SIL1: variants seen among roughly 807,000 people sequenced by gnomAD.
SIL1 encodes the protein SIL1 nucleotide exchange factor, also known as nucleotide exchange factor SIL1.
A neutral mutation model predicts 49.1 loss-of-function variants in SIL1; 40 were observed. The ratio of observed to expected loss-of-function variants is 0.81; its 90% confidence interval spans 0.63 to 1.06. SIL1 has a LOEUF of 1.06. Among genes scored for constraint, SIL1 ranks in the 50% least tolerant of loss-of-function variants. The pLI is 0.00. For synonymous variants in SIL1, 253 were observed against 250.8 expected (o/e 1.01, Z -0.08); for missense variants, 500 against 572.6 (o/e 0.87, Z 1.29).
At chr5:139,148,108 G>A (rs1365770333) in intron 1 of SIL1, among the ~76,000 whole-genome samples, 1 of 143,252 alleles carries the variant, frequency 7.0e-6, no homozygotes, top group East Asian at 1.9e-4. Flanking sequence ...TTTTTAAAGT[G>A]CATTAAAAAA....
At position 139,042,670 on chromosome 5, in the gene SIL1, G is replaced by A; in HGVS notation, c.403C>T (p.Leu135=). 1 of 1,614,106 alleles carries A rather than the reference G, an allele frequency of 6.2e-7. No homozygotes were observed. Reference sequence around the variant, plus strand: ...TCTGCCCCCTCCTTGAATTTTGCCAGTGCACTCTTGAGATCCTGAGATGTG... The same window carrying A: ...TCTGCCCCCTCCTTGAATTTTGCCAATGCACTCTTGAGATCCTGAGATGTG... ...TYTSQDLKSA[L]AKFKEGAEME... is the part of the protein sequence containing the mutation. Residue 135 remains leucine (L), a synonymous_variant, in exon 5 of 10, where the codon CTG becomes TTG. Transcript: ENST00000394817.
intron 1 of SIL1, among the ~76,000 whole-genome samples, chr5:139,173,256 C>CA (rs976825855): frequency 6.6e-6 from 1 of 151,510 alleles, no homozygotes; most frequent in African/African-American, 2.4e-5. Context: ...GAATATACAC[C>CA]AAAAAAAATG....
At chr5:139,036,828 T>C (rs1206130139) in intron 5 of SIL1, among the ~76,000 whole-genome samples, 1 of 152,142 alleles carries the variant, frequency 6.6e-6, no homozygotes, top group African/African-American at 2.4e-5. Context: ...AACCTGAACA[T>C]GTACCCCTGA....
chr5:138,983,198 C>CAA lies in SIL1; in HGVS notation c.768-31316_768-31315dup, dbSNP rs33926268. 5.3e-4 allele frequency among the ~76,000 whole-genome samples: 15 copies of CAA among 28,116 alleles called. 1 individual carries two copies. Among genetic ancestry groups the CAA allele is most frequent in the African/African-American group, 2.3e-3 (15 of 6,480 alleles). The allele number at this position is 28,116 out of a possible 152,430, so 18.4% of individuals were successfully genotyped here. ...TGGGTGACAGAGTGAGACACTGTCT[C>CAA]AAAAAAAAAAAAAAAAAAAAAAAAA... On this transcript the variant is annotated intron_variant, in intron 7 of 9. Coordinates refer to ENST00000394817, the MANE Select transcript of SIL1 (RefSeq NM_022464.5).
At chr5:139,054,476 G>A (rs1022787575) in intron 3 of SIL1, among the ~76,000 whole-genome samples, 47 of 152,130 alleles carry the variant, frequency 3.1e-4, no homozygotes, top group African/African-American at 1.1e-3. Context: ...ATTCCTAGCT[G>A]ATCTAGAGTT....
At chr5:139,194,467 C>T (rs1241017520) in intron 1 of SIL1, among the ~76,000 whole-genome samples, 1 of 152,186 alleles carries the variant, frequency 6.6e-6, no homozygotes, top group African/African-American at 2.4e-5. Context: ...CATGCTATTC[C>T]GTCTTTAGTC....
rs186179757 is a variant in SIL1 at position 139,168,191 on chromosome 5, C to T, written c.-11+30078G>A. Among the ~76,000 whole-genome samples, 21 of 152,246 alleles carry T rather than the reference C, an allele frequency of 1.4e-4. No individual in the cohort carries two copies. In the East Asian group the frequency reaches 2.5e-3, roughly 18 times the overall value. On this transcript the variant is annotated intron_variant, in intron 1 of 9. Coordinates refer to ENST00000394817, the MANE Select transcript of SIL1 (RefSeq NM_022464.5). ...TACCATCTAGGTTTATGTAAGTACA[C>T]TTTATGAGGTTTGCACAAGGACAAA...
At chr5:138,989,738 T>C (rs1412204870) in intron 7 of SIL1, among the ~76,000 whole-genome samples, 1 of 152,190 alleles carries the variant, frequency 6.6e-6, no homozygotes, top group African/African-American at 2.4e-5. Context: ...TAAGTCACAG[T>C]TCATAGTGAG....
chr5:139,163,806 T>A (rs1730849719), intron 1 of SIL1, among the ~76,000 whole-genome samples: 1 of 152,228 alleles, frequency 6.6e-6, no homozygotes, highest in Non-Finnish European at 1.5e-5. Flanking sequence ...TTCATCCTCA[T>A]CCAGCACTGT....
intron 3 of SIL1, among the ~76,000 whole-genome samples, chr5:139,053,038 TCTATC>T (rs548276200): frequency 3.2e-4 from 48 of 152,240 alleles, no homozygotes; most frequent in African/African-American, 9.4e-4. Flanking sequence ...ACTGGCAACT[TCTATC>T]CTATTACTAT....
chr5:138,955,682 A>G (rs558621023), intron 7 of SIL1, among the ~76,000 whole-genome samples: 12 of 152,350 alleles, frequency 7.9e-5, no homozygotes, highest in African/African-American at 2.9e-4. Context: ...GGCTGGCTAC[A>G]TAATTTTCAG....
Position 139,143,306 on chromosome 5 carries a change from T to TACACAC in SIL1, c.-10-15459_-10-15454dup, listed in dbSNP as rs752710937. Among the ~76,000 whole-genome samples, 64 of 123,718 alleles carry TACACAC rather than the reference T, an allele frequency of 5.2e-4. 1 individual carries two copies. The highest frequency in any genetic ancestry group is 3.9e-3 in the Middle Eastern group (1 of 258). The allele number at this position is 123,718 out of a possible 152,430, so 81.2% of individuals were successfully genotyped here. On this transcript the variant is annotated intron_variant, in intron 1 of 9. Transcript: ENST00000394817. Reference sequence around the variant, plus strand: ...ATATACACATGTGTATATACATATATACACACACACACACACACACACACA... The same window carrying TACACAC: ...ATATACACATGTGTATATACATATATACACACACACACACACACACACACACACACA...
At chr5:139,012,579 T>G (rs1768304560) in intron 7 of SIL1, 2 of 152,238 alleles carry the variant, frequency 1.3e-5, no homozygotes, top group South Asian at 2.1e-4. Flanking sequence ...TCCTTCATAT[T>G]ATCAAATATC....
intron 3 of SIL1, among the ~76,000 whole-genome samples, chr5:139,103,381 A>T (rs1218106058): frequency 2.0e-5 from 3 of 152,154 alleles, no homozygotes; most frequent in Non-Finnish European, 4.4e-5. Context: ...GGCTAGTACA[A>T]TGTGCTGCAC....
At chr5:139,165,858 T>G (rs1751607596) in intron 1 of SIL1, among the ~76,000 whole-genome samples, 1 of 151,366 alleles carries the variant, frequency 6.6e-6, no homozygotes, top group Admixed American at 6.6e-5. Flanking sequence ...AGAGATGGAG[T>G]TTCACCGTGT....
At chr5:139,173,736 G>T (rs544150353) in intron 1 of SIL1, among the ~76,000 whole-genome samples, 93 of 148,650 alleles carry the variant, frequency 6.3e-4, no homozygotes, top group African/African-American at 2.2e-3. Context: ...CACGAGGTCA[G>T]GAGATCGAGA....
intron 1 of SIL1, among the ~76,000 whole-genome samples, chr5:139,156,407 A>AT (rs1554136249): frequency 8.0e-6 from 1 of 124,410 alleles, no homozygotes; most frequent in African/African-American, 2.6e-5. Context: ...TATTAAAAAA[A>AT]AAAGAAGCCA....
chr5:139,182,562 T>C (rs1483064944), intron 1 of SIL1, among the ~76,000 whole-genome samples: 3 of 152,166 alleles, frequency 2.0e-5, no homozygotes, highest in Admixed American at 6.5e-5. Context: ...GCAAAGAATA[T>C]ATAAAGGGAG....
intron 1 of SIL1, among the ~76,000 whole-genome samples, chr5:139,152,087 G>T (rs940106382): frequency 1.3e-5 from 2 of 152,226 alleles, no homozygotes; most frequent in Non-Finnish European, 2.9e-5. Flanking sequence ...TGCAGCAGAG[G>T]TGGGAGCAGC....
Sources: gnomAD v4.1 joint callset for allele counts (sites outside exome capture counted in the v4.1 genomes callset) on GRCh38, gnomAD v4.1.1 for gene constraint, MANE v1.5 for transcripts, NCBI Gene and HGNC (gene_info 2026-07-23, HGNC 2026-07-21) for gene names.